The following ATG5 variants were observed in gnomAD, a reference collection of about 807,000 sequenced individuals.
ATG5 encodes autophagy related 5.
A neutral mutation model predicts 36.5 loss-of-function variants in ATG5; 14 were observed. The observed-to-expected ratio is 0.38, with a 90% confidence interval of 0.25 to 0.60. ATG5 has a LOEUF of 0.60. Ranked by LOEUF, ATG5 falls within the 20% of genes least tolerant of loss-of-function variation. The pLI is 0.60. For missense variants in ATG5, 195 were observed against 326.7 expected (o/e 0.60, Z 3.11); for synonymous variants, 95 against 101.5 (o/e 0.94, Z 0.38).
chr6:106,251,262 T>C (rs1410104732), intron 5 of ATG5, among the ~76,000 whole-genome samples: 3 of 152,186 alleles, frequency 2.0e-5, no homozygotes, highest in East Asian at 3.9e-4. Flanking sequence ...ACATACCAAC[T>C]CTGGCCTGGC....
At chr6:106,268,229 A>C (rs1045827293) in intron 5 of ATG5, among the ~76,000 whole-genome samples, 6 of 152,240 alleles carry the variant, frequency 3.9e-5, no homozygotes, top group African/African-American at 1.4e-4. Flanking sequence ...GGATATGAGC[A>C]GGCACTTCTC....
At chr6:106,277,111 CCTTA>C (rs1197868319) in intron 5 of ATG5, among the ~76,000 whole-genome samples, 1 of 152,238 alleles carries the variant, frequency 6.6e-6, no homozygotes, top group African/African-American at 2.4e-5. Flanking sequence ...AAAATGCATG[CCTTA>C]CTTGCTCTTG....
chr6:106,310,657 T>C (rs943542663), intron 2 of ATG5, among the ~76,000 whole-genome samples: 22 of 152,264 alleles, frequency 1.4e-4, no homozygotes, highest in African/African-American at 5.1e-4. Flanking sequence ...CCAGAACTTT[T>C]TCATCATGCT....
At chr6:106,189,293 T>G (rs1328420198) in intron 7 of ATG5, among the ~76,000 whole-genome samples, 1 of 152,100 alleles carries the variant, frequency 6.6e-6, no homozygotes, top group East Asian at 1.9e-4. Context: ...AAGGACATTT[T>G]AGCAATATCA....
chr6:106,222,963 T>C (rs1266188307), intron 6 of ATG5, among the ~76,000 whole-genome samples: 1 of 152,198 alleles, frequency 6.6e-6, no homozygotes, highest in Non-Finnish European at 1.5e-5. Flanking sequence ...ACCAGCAATA[T>C]TTTTTAATCT....
chr6:106,259,584 A>G (rs1778932115), intron 5 of ATG5, among the ~76,000 whole-genome samples: 1 of 151,796 alleles, frequency 6.6e-6, no homozygotes, highest in African/African-American at 2.4e-5. Flanking sequence ...TTCTCTTCTC[A>G]CTTCCTATAT....
Position 106,316,366 on chromosome 6 carries a change from A to C in ATG5, c.-58-100T>G, listed in dbSNP as rs1162167639. 1.6e-5 allele frequency: 7 copies of C among 437,518 alleles called. No individual in the cohort carries two copies. In the Admixed American group the frequency reaches 1.7e-4, roughly 11 times the overall value. The allele number at this position is 437,518 out of a possible 1,614,324, so 27.1% of individuals were successfully genotyped here. On this transcript the variant is annotated intron_variant, in intron 1 of 7. Transcript: ENST00000369076. ...TTAAAAAATCCATGCCATAAAGATT[A>C]TCCACTTCAAAAAAAAAAAACGATG...
In ATG5 at chr6:106,230,276, A is replaced by T. The variant is rs1014695539; in HGVS notation, c.573+17874T>A. 3.3e-5 allele frequency among the ~76,000 whole-genome samples: 5 copies of T among 152,334 alleles called. No homozygotes were observed. The East Asian group carries it at 9.7e-4, about 29-fold the overall frequency. On this transcript the variant is annotated intron_variant, in intron 6 of 7. Coordinates refer to ENST00000369076, the MANE Select transcript of ATG5 (RefSeq NM_004849.4). The stretch of plus-strand genomic sequence containing the variant: ...TATCTCAATCCTGACTCAAAAGCTT[A>T]CTTATACCCTCTCTGAAACGAATTT...
intron 5 of ATG5, among the ~76,000 whole-genome samples, chr6:106,269,632 G>A (rs1273481349): frequency 6.6e-6 from 1 of 152,228 alleles, no homozygotes; most frequent in Non-Finnish European, 1.5e-5. Flanking sequence ...TACACCCTCC[G>A]CAGCCGCTGG....
intron 7 of ATG5, among the ~76,000 whole-genome samples, chr6:106,200,083 T>C (rs1313314754): frequency 6.6e-6 from 1 of 152,200 alleles, no homozygotes; most frequent in Non-Finnish European, 1.5e-5. Flanking sequence ...CTGTTCATTT[T>C]TAAAGCATTA....
intron 4 of ATG5, 103 bp downstream of exon 4, chr6:106,292,924 CA>C (rs1367388157): frequency 4.6e-6 from 4 of 875,620 alleles, no homozygotes; most frequent in Non-Finnish European, 7.2e-6. Flanking sequence ...AAAACAGTGT[CA>C]GGGGAAAAGC....
chr6:106,319,690 C>T (rs930896284), intron 1 of ATG5, among the ~76,000 whole-genome samples: 1 of 152,262 alleles, frequency 6.6e-6, no homozygotes, highest in South Asian at 2.1e-4. Flanking sequence ...TTCCTCTACC[C>T]TTGTAAGTTT....
At chr6:106,193,481 A>C (rs1463702527) in intron 7 of ATG5, among the ~76,000 whole-genome samples, 1 of 152,162 alleles carries the variant, frequency 6.6e-6, no homozygotes, top group Non-Finnish European at 1.5e-5. Flanking sequence ...ACATAAACTA[A>C]AATTTAAATA....
At chr6:106,224,594 G>A (rs547419440) in intron 6 of ATG5, among the ~76,000 whole-genome samples, 8 of 152,140 alleles carry the variant, frequency 5.3e-5, no homozygotes, top group African/African-American at 1.7e-4. Flanking sequence ...CCAGAAATAC[G>A]GCCAGGTGCG....
chr6:106,221,842 A>G (rs900102194), intron 6 of ATG5, among the ~76,000 whole-genome samples: 2 of 152,210 alleles, frequency 1.3e-5, no homozygotes, highest in African/African-American at 4.8e-5. Flanking sequence ...GTAAGTCAGT[A>G]AGGTCAATTT....
At chr6:106,239,217 C>A in intron 6 of ATG5, among the ~76,000 whole-genome samples, 1 of 151,238 alleles carries the variant, frequency 6.6e-6, no homozygotes. Flanking sequence ...TTTTCCAATG[C>A]CATAAATAAC....
intron 6 of ATG5, among the ~76,000 whole-genome samples, chr6:106,239,332 A>G (rs1225954330): frequency 6.6e-6 from 1 of 152,174 alleles, no homozygotes; most frequent in Non-Finnish European, 1.5e-5. Flanking sequence ...GCAGAACATA[A>G]AACAAAATCT....
chr6:106,214,012 A>G (rs1776948579), intron 6 of ATG5, among the ~76,000 whole-genome samples: 1 of 152,194 alleles, frequency 6.6e-6, no homozygotes, highest in South Asian at 2.1e-4. Flanking sequence ...CTTGTTAATG[A>G]GAATAAATAT....
At chr6:106,268,559 A>G (rs1310281175) in intron 5 of ATG5, among the ~76,000 whole-genome samples, 3 of 152,336 alleles carry the variant, frequency 2.0e-5, no homozygotes, top group Non-Finnish European at 4.4e-5. Context: ...TCATTCTACT[A>G]TAAAGACACA....
Sources: gnomAD v4.1 joint callset for allele counts (sites outside exome capture counted in the v4.1 genomes callset) on GRCh38, gnomAD v4.1.1 for gene constraint, MANE v1.5 for transcripts, NCBI Gene and HGNC (gene_info 2026-07-23, HGNC 2026-07-21) for gene names.